Variants in ABLIM3 observed in about 807,000 individuals in gnomAD.
The protein encoded by ABLIM3 is actin-binding LIM protein 3.
ABLIM3 carries 61 observed loss-of-function variants against 109.5 expected under a neutral mutation model. That is an observed-to-expected ratio of 0.56 (90% CI 0.45 to 0.69). The LOEUF is 0.69. ABLIM3 is among the 30% of genes least tolerant of loss of function. ABLIM3 has a pLI of 0.00. For missense variants in ABLIM3, 796 were observed against 889.5 expected (o/e 0.89, Z 1.34); for synonymous variants, 300 against 324.8 (o/e 0.92, Z 0.82).
At position 149,198,191 on chromosome 5, in the gene ABLIM3, G is replaced by T; in HGVS notation, c.152-28G>T. 6.3e-7 allele frequency: 1 copy of T among 1,596,606 alleles called. No homozygotes were observed. The highest frequency in any genetic ancestry group is 8.5e-7 in the Non-Finnish European group (1 of 1,170,910). The stretch of plus-strand genomic sequence containing the variant: ...TACAGACCCTCCCTGGACTCAACCT[G>T]CCCTTGTTTTCCTCCTTGTTCCCCA... On this transcript the variant is annotated intron_variant, in intron 3 of 23. Coordinates refer to ENST00000309868, the MANE Select transcript of ABLIM3 (RefSeq NM_014945.5). The surrounding 1 kb of genome is among the most constrained non-coding windows in gnomAD (Gnocchi z 4.2).
At chr5:149,258,258 T>TCCCCCCCCCCCCC in intron 23 of ABLIM3, 33 bp from the exon 24 acceptor site, 3 of 1,595,284 alleles carry the variant, frequency 1.9e-6, no homozygotes, top group Admixed American at 1.7e-5. Context: ...TCTTTCTCTG[T>TCCCCCCCCCCCCC]CCCCCCACCC....
At chr5:149,161,308 T>C (rs1300817727) in intron 2 of ABLIM3, among the ~76,000 whole-genome samples, 1 of 152,338 alleles carries the variant, frequency 6.6e-6, no homozygotes, top group East Asian at 1.9e-4. Context: ...ACTTAGAGAA[T>C]GATCCGGGAA....
At chr5:149,218,074 C>T (rs1054068697) in intron 8 of ABLIM3, 1 of 152,320 alleles carries the variant, frequency 6.6e-6, no homozygotes, top group Non-Finnish European at 1.5e-5. Flanking sequence ...GGGCCAGGAG[C>T]TGAGATCCAG....
In ABLIM3 at chr5:149,246,482, T is replaced by C; in HGVS notation, c.1487T>C (p.Val496Ala). 4.3e-6 allele frequency: 7 copies of C among 1,614,034 alleles called. No individual in the cohort carries two copies. In the South Asian group the frequency reaches 7.7e-5, roughly 18 times the overall value. The change falls in exon 17 of 24, where the codon GTG (valine) becomes GCG (alanine). Residue 496 changes from valine to alanine, a missense_variant and splice_region_variant. Physicochemically the swap from Val to Ala is moderately conservative, Grantham distance 64. Transcript: ENST00000309868. ...EYWTYHGSPK[V>A]PRARRFSSGG... ...GCTGATCTTTTCTGTCTTTTGACAG[T>C]GCCCCGAGCCAGAAGGTTCTCGTCT...
At chr5:149,155,282 C>T (rs1192888616) in intron 2 of ABLIM3, among the ~76,000 whole-genome samples, 7 of 152,168 alleles carry the variant, frequency 4.6e-5, no homozygotes, top group Admixed American at 3.3e-4. Context: ...TGCCCCAGCA[C>T]TATTCACTCA....
intron 11 of ABLIM3, among the ~76,000 whole-genome samples, 162 bp downstream of exon 11, chr5:149,237,765 A>C (rs1257519377): frequency 1.3e-5 from 2 of 152,136 alleles, no homozygotes; most frequent in African/African-American, 4.8e-5. Context: ...AAGAGATTTC[A>C]TTTGGCTTTC....
intron 20 of ABLIM3, among the ~76,000 whole-genome samples, chr5:149,251,158 A>G (rs892493503): frequency 1.3e-5 from 2 of 152,164 alleles, no homozygotes; most frequent in Non-Finnish European, 2.9e-5. Flanking sequence ...AAATAAATGG[A>G]TATATATTGA....
At chr5:149,233,126 T>C (rs1762020722) in intron 9 of ABLIM3, 103 bp from the exon 10 acceptor site, 3 of 993,032 alleles carry the variant, frequency 3.0e-6, no homozygotes, top group Non-Finnish European at 4.8e-6. Context: ...CAGAGAGTAC[T>C]TTAATGGTAT....
intron 23 of ABLIM3, among the ~76,000 whole-genome samples, chr5:149,254,027 A>G (rs1754208068): frequency 6.6e-6 from 1 of 152,196 alleles, no homozygotes; most frequent in Non-Finnish European, 1.5e-5. Flanking sequence ...AACGCCCTTT[A>G]TAAAACCATC....
chr5:149,163,761 G>C (rs1484442354), intron 2 of ABLIM3, among the ~76,000 whole-genome samples: 2 of 152,124 alleles, frequency 1.3e-5, no homozygotes, highest in Non-Finnish European at 2.9e-5. Context: ...AATTTGGGGG[G>C]TGAGAGAGAC....
chr5:149,184,669 C>T (rs1004460612), intron 3 of ABLIM3, among the ~76,000 whole-genome samples: 7 of 152,158 alleles, frequency 4.6e-5, no homozygotes, highest in African/African-American at 1.7e-4. Flanking sequence ...GTTGATGTAA[C>T]TGATATTGAA....
chr5:149,179,693 G>A (rs1204121345), intron 2 of ABLIM3, among the ~76,000 whole-genome samples: 2 of 151,452 alleles, frequency 1.3e-5, no homozygotes, highest in Non-Finnish European at 2.9e-5. Context: ...GTCTTTTGTT[G>A]TTGTTGTTGT....
chr5:149,176,606 T>C (rs1478381772), intron 2 of ABLIM3, among the ~76,000 whole-genome samples: 1 of 152,102 alleles, frequency 6.6e-6, no homozygotes, highest in African/African-American at 2.4e-5. Context: ...AAAATGAGGA[T>C]AATAGTATCC....
intron 6 of ABLIM3, among the ~76,000 whole-genome samples, chr5:149,207,985 C>T (rs1381518053): frequency 6.6e-6 from 1 of 152,220 alleles, no homozygotes; most frequent in Non-Finnish European, 1.5e-5. Flanking sequence ...GACCCCAGAC[C>T]CTTCTAGGTG....
chr5:149,235,753 G>A (rs1762284899), intron 10 of ABLIM3, among the ~76,000 whole-genome samples: 1 of 152,208 alleles, frequency 6.6e-6, no homozygotes, highest in South Asian at 2.1e-4. Flanking sequence ...AACTGGTGCA[G>A]ATGTGAGTGT....
chr5:149,148,405 G>A (rs938238004), intron 2 of ABLIM3, among the ~76,000 whole-genome samples: 1 of 152,110 alleles, frequency 6.6e-6, no homozygotes, highest in Non-Finnish European at 1.5e-5. Flanking sequence ...CACTCGCTTC[G>A]CTGAAGGACT....
At chr5:149,214,503 C>T (rs776573951) in intron 7 of ABLIM3, among the ~76,000 whole-genome samples, 19 of 152,196 alleles carry the variant, frequency 1.2e-4, no homozygotes, top group Non-Finnish European at 2.2e-4. Context: ...ATTGTGCCCA[C>T]AAAGTTGGAA....
chr5:149,185,839 G>C (rs562920991), intron 3 of ABLIM3, among the ~76,000 whole-genome samples: 14 of 152,256 alleles, frequency 9.2e-5, no homozygotes, highest in Admixed American at 9.2e-4. Context: ...AATCTACGAA[G>C]GCTAAAAACG....
Position 149,252,802 on chromosome 5 carries a change from C to G in ABLIM3, c.1903C>G (p.Arg635Gly), listed in dbSNP as rs1754061435. ...LLLVTTRGRN[R>G]LPKDVDRTRL... ...GCTGGTGACTACAAGAGGAAGAAAC[C>G]GACTGCCCAAGGATGTAGACAGGAC... Residue 635 changes from arginine to glycine, a missense_variant, in exon 23 of 24, where the codon CGA becomes GGA. By Grantham distance (125) the Arg-to-Gly change is moderately radical. Transcript: ENST00000309868. The G allele has an allele frequency of 6.2e-7, 1 of 1,613,226 alleles. No individual in the cohort carries two copies. Among genetic ancestry groups the G allele is most frequent in the African/African-American group, 1.3e-5 (1 of 74,860 alleles).
Sources: allele counts gnomAD v4.1 joint callset (sites outside exome capture counted in the v4.1 genomes callset), GRCh38; gene constraint gnomAD v4.1.1; non-coding constraint Gnocchi (gnomAD v3.1); transcripts MANE v1.5; gene names NCBI Gene and HGNC (gene_info 2026-07-23, HGNC 2026-07-21).